The following ABCA12 variants were observed in gnomAD, a reference collection of about 807,000 sequenced individuals.
ABCA12 encodes ATP binding cassette subfamily A member 12.
A neutral mutation model predicts 293.5 loss-of-function variants in ABCA12; 156 were observed. The observed-to-expected ratio is 0.53, with a 90% CI of 0.47 to 0.61. The LOEUF is 0.61. Among genes scored for constraint, ABCA12 ranks in the 20% least tolerant of loss-of-function variants. The probability of loss-of-function intolerance (pLI) is 0.00; values close to 1 mark genes in which losing one functional copy is unlikely to be tolerated. For synonymous variants in ABCA12, 1,063 were observed against 1,108.0 expected, an observed-to-expected ratio of 0.96 and a Z score of 0.81; for missense variants, 2,797 against 3,090.2, an observed-to-expected ratio of 0.91 and a Z score of 2.25.
intron 7 of ABCA12, among the ~76,000 whole-genome samples, chr2:215,044,286 C>T (rs762560681): frequency 2.3e-4 from 35 of 152,046 alleles, no homozygotes; most frequent in Non-Finnish European, 4.6e-4. Context: ...AATATATGAC[C>T]GCTTCAGTTG....
Position 215,019,642 on chromosome 2 carries a change from G to A in ABCA12, c.1442C>T (p.Thr481Ile), listed in dbSNP as rs1347565631. 1.2e-6 allele frequency: 2 copies of A among 1,613,998 alleles called. No individual in the cohort carries two copies. The highest frequency in any genetic ancestry group is 2.7e-5 in the African/African-American group (2 of 74,894). ...LQLLEAAELG[T>I]EIAASLLYHD... ...GTACAGTAAGCTGGCTGCTATTTCGGTGCCCAGCTCTGCCGCTTCGAGGAG... is the reference window on the plus strand; with the variant it reads ...GTACAGTAAGCTGGCTGCTATTTCGATGCCCAGCTCTGCCGCTTCGAGGAG... Residue 481 changes from threonine (T) to isoleucine (I), a missense_variant, in exon 12 of 53, where the codon ACC becomes ATC. Thr to Ile is a moderately conservative substitution (Grantham distance 89, BLOSUM62 -1). This residue lies in a region of ABCA12 where 656 missense variants were observed against 638.2 expected (regional missense o/e 1.03). Transcript: ENST00000272895.
At chr2:215,108,129 C>T (rs972012529) in intron 2 of ABCA12, among the ~76,000 whole-genome samples, 7 of 152,164 alleles carry the variant, frequency 4.6e-5, no homozygotes, top group African/African-American at 7.2e-5. Flanking sequence ...CTTCACTTCT[C>T]TATTGCCCAA....
At chr2:215,057,782 A>G (rs1233841830) in intron 3 of ABCA12, among the ~76,000 whole-genome samples, 4 of 152,018 alleles carry the variant, frequency 2.6e-5, no homozygotes, top group Admixed American at 2.6e-4. Context: ...CACTAAAGCA[A>G]CTTTTTTTAA....
At chr2:215,084,857 G>A (rs1702007547) in intron 2 of ABCA12, among the ~76,000 whole-genome samples, 1 of 152,118 alleles carries the variant, frequency 6.6e-6, no homozygotes, top group South Asian at 2.1e-4. Context: ...ACTTTTGGAG[G>A]CCGAGTCGGG....
intron 22 of ABCA12, 130 bp downstream of exon 22, chr2:215,000,575 T>A: frequency 9.5e-7 from 1 of 1,049,758 alleles, no homozygotes; most frequent in Admixed American, 1.9e-5. Context: ...GAACTCTTTC[T>A]CAAAACAAGC....
chr2:214,933,342 G>A (rs533957752), intron 52 of ABCA12, among the ~76,000 whole-genome samples: 31 of 152,132 alleles, frequency 2.0e-4, no homozygotes, highest in South Asian at 4.2e-4. Flanking sequence ...GTCATAAGTC[G>A]AAGACTAAGT....
chr2:214,956,260 G>A (rs1698945201), intron 42 of ABCA12, among the ~76,000 whole-genome samples: 2 of 152,024 alleles, frequency 1.3e-5, no homozygotes. Flanking sequence ...TCTATAAAAA[G>A]ATAAATATAA....
intron 23 of ABCA12, among the ~76,000 whole-genome samples, chr2:214,994,993 A>T (rs986600750): frequency 2.6e-5 from 4 of 152,254 alleles, no homozygotes; most frequent in African/African-American, 9.6e-5. Flanking sequence ...TCTTCTGTAT[A>T]TGTTATAAAA....
At position 214,950,765 on chromosome 2, in the gene ABCA12, A is replaced by C; in HGVS notation, c.6852+114T>G. On this transcript the variant is annotated intron_variant, in intron 45 of 52. Transcript: ENST00000272895. ...AGTGATCCACCCACCTCGGCCTCCC[A>C]AAGTGCTAAGATTACAGGTGTGAGC... 3 of 1,193,688 alleles carry C rather than the reference A, an allele frequency of 2.5e-6. No individual in the cohort carries two copies. The South Asian group carries it at 3.8e-5, about 15-fold the overall frequency. 73.9% of individuals were successfully genotyped at this position (1,193,688 alleles called of 1,614,324 possible).
chr2:215,071,427 C>A (rs572745763), intron 2 of ABCA12, among the ~76,000 whole-genome samples: 1 of 151,272 alleles, frequency 6.6e-6, no homozygotes. Flanking sequence ...AATAAACAAA[C>A]ATAAACAATA....
chr2:215,040,784 A>C (rs1158231077), intron 7 of ABCA12, among the ~76,000 whole-genome samples: 15 of 152,064 alleles, frequency 9.9e-5, no homozygotes, highest in African/African-American at 2.7e-4. Context: ...TGCACTCCAG[A>C]CTGGGCCACA....
intron 2 of ABCA12, among the ~76,000 whole-genome samples, chr2:215,065,561 G>T (rs1185507393): frequency 1.3e-5 from 2 of 151,910 alleles, no homozygotes; most frequent in Non-Finnish European, 2.9e-5. Context: ...AGCAAAGAGG[G>T]AAAAAGAGAG....
At chr2:215,122,659 T>C (rs1196846083) in intron 1 of ABCA12, among the ~76,000 whole-genome samples, 3 of 152,190 alleles carry the variant, frequency 2.0e-5, no homozygotes, top group East Asian at 3.8e-4. Context: ...TGTGATCCAG[T>C]AGCGAAACAG....
At chr2:215,006,968 C>A (rs1700268784) in intron 19 of ABCA12, among the ~76,000 whole-genome samples, 1 of 146,110 alleles carries the variant, frequency 6.8e-6, no homozygotes, top group East Asian at 2.1e-4. Flanking sequence ...CTCCACCTCC[C>A]AGGTTCAAGC....
At chr2:215,113,398 A>C (rs1008586352) in intron 1 of ABCA12, among the ~76,000 whole-genome samples, 2 of 152,224 alleles carry the variant, frequency 1.3e-5, no homozygotes, top group Non-Finnish European at 2.9e-5. Context: ...AACTTAATCT[A>C]AAACAGCACT....
intron 33 of ABCA12, among the ~76,000 whole-genome samples, chr2:214,977,376 A>T (rs1021464338): frequency 2.0e-5 from 3 of 152,204 alleles, no homozygotes; most frequent in Non-Finnish European, 4.4e-5. Context: ...CCCCAAAAGA[A>T]AAGAAATGAG....
chr2:215,058,292 GC>G (rs1475652155), intron 3 of ABCA12, among the ~76,000 whole-genome samples: 1 of 151,982 alleles, frequency 6.6e-6, no homozygotes, highest in Non-Finnish European at 1.5e-5. Flanking sequence ...GGCCAGGGGT[GC>G]TGCTGAACAT....
rs1274292793 is a variant in ABCA12, at chr2:215,007,802, A to G, written c.2517T>C (p.Ser839=). The change falls in exon 19 of 53, where the codon TCT becomes TCC. Residue 839 remains serine, a synonymous_variant. Transcript: ENST00000272895. The stretch of plus-strand genomic sequence containing the variant: ...GTGGCGACTTATCCATCCACTCTTG[A>G]GATTTTTCTCTTAATTCCGCCAGCT... ...LRQLAELREK[S]QEWMDKSPLF... 6.2e-7 allele frequency: 1 copy of G among 1,613,924 alleles called. No individual in the cohort carries two copies. The highest frequency in any genetic ancestry group is 8.5e-7 in the Non-Finnish European group (1 of 1,179,956).
chr2:215,011,541 G>C lies in ABCA12; in HGVS notation c.2230C>G (p.Pro744Ala). ...ITTEYLTAML[P>A]SSQRPKGNHT... ...TTGCCTTTTGGCCTCTGGGAAGAGG[G>C]CAGCATGGCAGTTAAATATTCAGTG... The change falls in exon 17 of 53, where the codon CCC (proline) becomes GCC (alanine). Residue 744 changes from proline to alanine, a missense_variant. Coordinates refer to ENST00000272895, the MANE Select transcript of ABCA12 (RefSeq NM_173076.3). 6.2e-7 allele frequency: 1 copy of C among 1,613,988 alleles called. No homozygotes were observed. Among genetic ancestry groups the C allele is most frequent in the Non-Finnish European group, 8.5e-7 (1 of 1,179,880 alleles).
Sources: gnomAD v4.1 joint callset for allele counts (sites outside exome capture counted in the v4.1 genomes callset) on GRCh38, gnomAD v4.1.1 for gene constraint, gnomAD v4.1.1 regional missense constraint, MANE v1.5 for transcripts, NCBI Gene and HGNC (gene_info 2026-07-23, HGNC 2026-07-21) for gene names.